The following GLI4 variants were observed in gnomAD, a reference collection of about 807,000 sequenced individuals.
GLI4 encodes zinc finger protein GLI4.
GLI4 carries 34 observed loss-of-function variants against 30.9 expected under a neutral mutation model. The observed-to-expected ratio is 1.10, with a 90% CI of 0.84 to 1.47. The LOEUF is 1.47. Among genes scored for constraint, GLI4 ranks in the 40% most tolerant of loss-of-function variants. GLI4 has a pLI of 0.00. For synonymous variants in GLI4, 277 were observed against 236.7 expected (o/e 1.17, Z -1.56); for missense variants, 696 against 538.9 (o/e 1.29, Z -2.89).
intron 1 of GLI4, among the ~76,000 whole-genome samples, chr8:143,268,859 C>CTGCTGT (rs35422165): frequency 0.047 from 7,001 of 149,460 alleles, 484 homozygotes; most frequent in African/African-American, 0.15. Context: ...GCTGCTGCTG[C>CTGCTGT]TGTTGTTTGA....
Position 143,274,802 on chromosome 8 carries a change from G to C in GLI4, c.223G>C (p.Asp75His). The change falls in exon 3 of 4, where the codon GAC becomes CAC. Residue 75 changes from aspartate (D) to histidine (H), a missense_variant and splice_region_variant. By Grantham distance (81) the Asp-to-His change is moderately conservative. Transcript: ENST00000340042. ...VEIGRDTFWP[D>H]SEPKPEQAPR... is the part of the protein sequence containing the mutation. Reference sequence around the variant, plus strand: ...GATCGGCAGAGACACCTTCTGGCCCGGTGAGTGAGCAGAATCGGGTTACTG... The same window carrying C: ...GATCGGCAGAGACACCTTCTGGCCCCGTGAGTGAGCAGAATCGGGTTACTG... The C allele has an allele frequency of 6.4e-7, 1 of 1,556,668 alleles. No homozygotes were observed.
At chr8:143,275,769 G>T in intron 3 of GLI4, 128 bp from the exon 4 acceptor site, 1 of 1,238,844 alleles carries the variant, frequency 8.1e-7, no homozygotes, top group East Asian at 3.2e-5. Context: ...CCATCCACTG[G>T]GTGCCTGGCC....
chr8:143,275,883 G>A lies in GLI4; in HGVS notation c.224-14G>A, dbSNP rs1815373264. On this transcript the variant is annotated splice_polypyrimidine_tract_variant and intron_variant, in intron 3 of 3. Transcript: ENST00000340042. ...CATGCGGGTACTATCCGCCTCTGCC[G>A]TTTCTCATTTCAGACTCCGAGCCCA... 4.7e-6 allele frequency: 6 copies of A among 1,276,568 alleles called. No homozygotes were observed. Among genetic ancestry groups the A allele is most frequent in the Middle Eastern group, 2.0e-4 (1 of 4,920 alleles). 79.1% of individuals were successfully genotyped at this position (1,276,568 alleles called of 1,614,324 possible). A position where few individuals can be genotyped will look rare whatever the true frequency, so the allele number is the denominator to read the frequency against.
At chr8:143,273,276 T>C (rs1273134173) in intron 2 of GLI4, 3 of 152,120 alleles carry the variant, frequency 2.0e-5, no homozygotes, top group Non-Finnish European at 4.4e-5. Context: ...CCCAGGCCTG[T>C]CTCCACAATG....
chr8:143,274,494 C>T, intron 2 of GLI4: 1 of 403,124 alleles, frequency 2.5e-6, no homozygotes, highest in Non-Finnish European at 4.4e-6. Flanking sequence ...ATGCTGGCCC[C>T]TGGAGGAGGA....
In GLI4 at chr8:143,269,369, G is replaced by A. The variant is rs748294672; in HGVS notation, c.-28G>A. 1.2e-6 allele frequency: 2 copies of A among 1,607,564 alleles called. No individual in the cohort carries two copies. Among genetic ancestry groups the A allele is most frequent in the African/African-American group, 1.3e-5 (1 of 74,800 alleles). On this transcript the variant is annotated 5_prime_UTR_variant, in exon 2 of 4. It adds an upstream start codon to the 5' untranslated region. Coordinates refer to ENST00000340042, the MANE Select transcript of GLI4 (RefSeq NM_138465.4). ...TTTTCATTTTCCCCAGGTCCCAGGT[G>A]TGACACCTTCAGCAGGTCTCAGGGA...
intron 1 of GLI4, chr8:143,267,961 C>G: frequency 1.0e-6 from 1 of 985,438 alleles, no homozygotes; most frequent in African/African-American, 1.7e-5. Flanking sequence ...GTGCCCTTCC[C>G]CCTTCAGTCT....
Position 143,276,396 on chromosome 8 carries a change from C to A in GLI4, c.723C>A (p.Cys241Ter). ...ACACGGGCGAGAAGCCCTACGAGTGCGGCCAGTGCGGCCGCGCCTTCAGCC... is the reference window on the plus strand; with the variant it reads ...ACACGGGCGAGAAGCCCTACGAGTGAGGCCAGTGCGGCCGCGCCTTCAGCC... Reference protein sequence around the residue: ...RIHTGEKPYECGQCGRAFSHS... With the variant: ...RIHTGEKPYE Residue 241 changes from cysteine to a stop codon, truncating the protein, a stop_gained, in exon 4 of 4, where the codon TGC becomes TGA. Coordinates refer to ENST00000340042, the MANE Select transcript of GLI4 (RefSeq NM_138465.4). LOFTEE classifies it high-confidence loss of function. 6.2e-7 allele frequency: 1 copy of A among 1,611,772 alleles called. No individual in the cohort carries two copies. The highest frequency in any genetic ancestry group is 8.5e-7 in the Non-Finnish European group (1 of 1,179,510).
chr8:143,272,734 G>T (rs776161994), intron 2 of GLI4, among the ~76,000 whole-genome samples: 1 of 152,188 alleles, frequency 6.6e-6, no homozygotes, highest in Non-Finnish European at 1.5e-5. Flanking sequence ...GGGTTAGGCA[G>T]TGGAATGACA....
intron 2 of GLI4, chr8:143,272,500 T>C (rs1397962325): frequency 6.6e-6 from 1 of 152,316 alleles, no homozygotes; most frequent in Non-Finnish European, 1.5e-5. Context: ...GTTTCTCCAG[T>C]TCGGGCCACA....
intron 2 of GLI4, among the ~76,000 whole-genome samples, chr8:143,270,281 G>A (rs73717506): frequency 0.021 from 3,274 of 152,344 alleles, 123 homozygotes; most frequent in African/African-American, 0.072. Flanking sequence ...GACCACTGAG[G>A]CTTGTGGAGA....
rs1461548855 is a variant in GLI4 at position 143,270,508 on chromosome 8, T to TGGGCTGCCTGTCCTGGTGGACCTGGCCAG, written c.124+994_124+1022dup. Among the ~76,000 whole-genome samples, 10 of 152,278 alleles carry TGGGCTGCCTGTCCTGGTGGACCTGGCCAG rather than the reference T, an allele frequency of 6.6e-5. No individual in the cohort carries two copies. In the East Asian group the frequency reaches 1.9e-3, roughly 29 times the overall value. On this transcript the variant is annotated intron_variant, in intron 2 of 3. Coordinates refer to ENST00000340042, the MANE Select transcript of GLI4 (RefSeq NM_138465.4). ...TGGGAAGGGGCGCCCGTGGGCTGCCTGGGCTGCCTGTCCTGGTGGACCTGG... is the reference window on the plus strand; with the variant it reads ...TGGGAAGGGGCGCCCGTGGGCTGCCTGGGCTGCCTGTCCTGGTGGACCTGGCCAGGGGCTGCCTGTCCTGGTGGACCTGG...
chr8:143,267,533 C>T (rs1201277228), intron 1 of GLI4, 49 bp downstream of exon 1: 2 of 985,954 alleles, frequency 2.0e-6, no homozygotes, highest in Non-Finnish European at 2.4e-6. Context: ...TGGGACCAGC[C>T]CAGTCCGAGC....
chr8:143,268,859 C>CTGCTGCTGCTGCTGTTGTTGCTGCTGT, intron 1 of GLI4, among the ~76,000 whole-genome samples: 1 of 149,498 alleles, frequency 6.7e-6, no homozygotes, highest in African/African-American at 2.5e-5. Flanking sequence ...GCTGCTGCTG[C>CTGCTGCTGCTGCTGTTGTTGCTGCTGT]TGTTGTTTGA....
At position 143,267,459 on chromosome 8, in the gene GLI4, C is replaced by G. The variant is rs998446861; in HGVS notation, c.-63C>G. The stretch of plus-strand genomic sequence containing the variant: ...CGGGGCCGGACACTTCCGTCCGGCG[C>G]GCGGCGTCCTCCTCCCGCTCGGAAG... On this transcript the variant is annotated 5_prime_UTR_variant, in exon 1 of 4. Coordinates refer to ENST00000340042, the MANE Select transcript of GLI4 (RefSeq NM_138465.4). 1.0e-6 allele frequency: 1 copy of G among 985,280 alleles called. No homozygotes were observed. Among genetic ancestry groups the G allele is most frequent in the Non-Finnish European group, 1.2e-6 (1 of 829,910 alleles). The allele number at this position is 985,280 out of a possible 1,614,324, so 61.0% of individuals were successfully genotyped here.
chr8:143,276,356 A>C lies in GLI4; in HGVS notation c.683A>C (p.Gln228Pro). ...KRFRGWSGFI[Q>P]HHRIHTGEKP... Reference sequence around the variant, plus strand: ...TTCCGCGGCTGGTCGGGCTTCATCCAGCACCACCGCATCCACACGGGCGAG... The same window carrying C: ...TTCCGCGGCTGGTCGGGCTTCATCCCGCACCACCGCATCCACACGGGCGAG... Residue 228 changes from glutamine to proline, a missense_variant, in exon 4 of 4, where the codon CAG becomes CCG. Gln to Pro is a moderately conservative substitution (Grantham distance 76). Coordinates refer to ENST00000340042, the MANE Select transcript of GLI4 (RefSeq NM_138465.4). 2 of 1,608,684 alleles carry C rather than the reference A, an allele frequency of 1.2e-6. No homozygotes were observed.
rs1235726309 is a variant in GLI4, at chr8:143,275,368, T to C, written c.224-529T>C. On this transcript the variant is annotated intron_variant, in intron 3 of 3. Coordinates refer to ENST00000340042, the MANE Select transcript of GLI4 (RefSeq NM_138465.4). The stretch of plus-strand genomic sequence containing the variant: ...TGGGGAGCAGGTGTCTGAGGTCAGG[T>C]CCCTGGAAAGAGACCCTGGGCCAGA... 8.5e-6 allele frequency: 12 copies of C among 1,404,972 alleles called. No homozygotes were observed. The East Asian group carries it at 3.2e-4, about 37-fold the overall frequency. 87.0% of individuals were successfully genotyped at this position (1,404,972 alleles called of 1,614,324 possible). A position where few individuals can be genotyped will look rare whatever the true frequency, so the allele number is the denominator to read the frequency against.
At position 143,276,780 on chromosome 8, in the gene GLI4, C is replaced by A; in HGVS notation, c.1107C>A (p.His369Gln). ...AFGQSSQLIQ[H>Q]QRVHYRE ...GCCAGAGCTCCCAGCTCATCCAGCA[C>A]CAGCGGGTGCACTACCGCGAGTAGC... The change falls in exon 4 of 4, where the codon CAC (histidine) becomes CAA (glutamine). Residue 369 changes from histidine to glutamine, a missense_variant. Physicochemically the swap from His to Gln is conservative, Grantham distance 24 (BLOSUM62 0). Transcript: ENST00000340042. 1 of 1,587,220 alleles carries A rather than the reference C, an allele frequency of 6.3e-7. No individual in the cohort carries two copies. Among genetic ancestry groups the A allele is most frequent in the Non-Finnish European group, 8.6e-7 (1 of 1,167,142 alleles).
chr8:143,272,940 C>T (rs1445296857), intron 2 of GLI4, among the ~76,000 whole-genome samples: 3 of 152,182 alleles, frequency 2.0e-5, no homozygotes, highest in East Asian at 3.9e-4. Flanking sequence ...CTCCGGGCAC[C>T]CCTACAGCTG....
Sources: gnomAD v4.1 joint callset for allele counts (sites outside exome capture counted in the v4.1 genomes callset) on GRCh38, gnomAD v4.1.1 for gene constraint, MANE v1.5 for transcripts, NCBI Gene and HGNC (gene_info 2026-07-23, HGNC 2026-07-21) for gene names.